SEZ6L: variants seen among roughly 807,000 people sequenced by gnomAD.
SEZ6L encodes seizure related 6 homolog like.
Under a neutral mutation model 106.2 loss-of-function variants are expected in SEZ6L, and 37 were observed. That is an observed-to-expected ratio of 0.35 (90% confidence interval 0.27 to 0.46). The LOEUF (loss-of-function observed/expected upper bound fraction) is 0.46. Ranked by LOEUF, SEZ6L falls within the 20% of genes least tolerant of loss-of-function variation. The pLI is 1.00. For missense variants in SEZ6L, 1,172 were observed against 1,332.8 expected (o/e 0.88, Z 1.88); for synonymous variants, 541 against 570.4 (o/e 0.95, Z 0.73).
intron 1 of SEZ6L, chr22:26,244,291 A>G (rs376318449): frequency 1.5e-4 from 23 of 152,238 alleles, no homozygotes; most frequent in African/African-American, 5.1e-4. Context: ...CCCTGAAATC[A>G]TGGAAAATCA....
intron 1 of SEZ6L, among the ~76,000 whole-genome samples, chr22:26,245,531 G>A (rs1051061472): frequency 1.3e-5 from 2 of 152,178 alleles, no homozygotes; most frequent in Non-Finnish European, 1.5e-5. Context: ...GGGCTGACCT[G>A]ATGGTGGTGC....
chr22:26,249,200 A>T (rs1471429560), intron 1 of SEZ6L, among the ~76,000 whole-genome samples: 1 of 152,192 alleles, frequency 6.6e-6, no homozygotes, highest in African/African-American at 2.4e-5. Flanking sequence ...TCTTCTAGCT[A>T]TTTGAATATA....
intron 1 of SEZ6L, among the ~76,000 whole-genome samples, chr22:26,281,552 T>A (rs192217207): frequency 0.13 from 19,552 of 151,608 alleles, 1,342 homozygotes; most frequent in Middle Eastern, 0.2. Context: ...TTTTTTTAAA[T>A]TTTTTTTAGT....
At chr22:26,253,429 C>G (rs565088743) in intron 1 of SEZ6L, among the ~76,000 whole-genome samples, 31 of 147,928 alleles carry the variant, frequency 2.1e-4, no homozygotes, top group South Asian at 1.6e-3. Flanking sequence ...TTAGGCTGTT[C>G]CTTTTACCCC....
At chr22:26,361,268 CG>C (rs1163599575) in intron 12 of SEZ6L, among the ~76,000 whole-genome samples, 1 of 149,718 alleles carries the variant, frequency 6.7e-6, no homozygotes, top group African/African-American at 2.5e-5. Context: ...GAGGCTGAGG[CG>C]GATGGATCAC....
In SEZ6L at chr22:26,344,013, C is replaced by G. The variant is rs141336973; in HGVS notation, c.2212+3381C>G. On this transcript the variant is annotated intron_variant, in intron 10 of 16. Transcript: ENST00000248933. ...ATGAGAAGGGTATTTGTTATTCTGG[C>G]TCTAGATTTTACCATACATGGGAGT... 5.5e-3 allele frequency among the ~76,000 whole-genome samples: 835 copies of G among 152,266 alleles called. 1 individual carries two copies. Among genetic ancestry groups the G allele is most frequent in the Non-Finnish European group, 8.0e-3 (542 of 68,022 alleles).
At chr22:26,315,101 G>A (rs529353922) in intron 9 of SEZ6L, among the ~76,000 whole-genome samples, 6 of 152,338 alleles carry the variant, frequency 3.9e-5, no homozygotes, top group Admixed American at 3.9e-4. Context: ...CAGTTCTCTG[G>A]CTCTACAGAG....
intron 1 of SEZ6L, among the ~76,000 whole-genome samples, chr22:26,260,896 G>T (rs563551481): frequency 6.6e-6 from 1 of 152,098 alleles, no homozygotes; most frequent in Non-Finnish European, 1.5e-5. Context: ...AACGTCTATT[G>T]TATTTTGATT....
rs879363095 is a variant in SEZ6L, at chr22:26,377,583, T to C, written c.2943-90T>C. ...TCGTCATTCACAGAGGTGCCGCTGC[T>C]CAGGAAGTGGCACCAACTGTTCCCG... On this transcript the variant is annotated intron_variant, in intron 15 of 16. Transcript: ENST00000248933. 2.1e-5 allele frequency: 22 copies of C among 1,035,254 alleles called. No individual in the cohort carries two copies. The Admixed American group carries it at 3.5e-4, about 16-fold the overall frequency. 64.1% of individuals were successfully genotyped at this position (1,035,254 alleles called of 1,614,324 possible).
intron 9 of SEZ6L, among the ~76,000 whole-genome samples, chr22:26,327,905 T>C (rs1569465057): frequency 1.3e-5 from 2 of 152,196 alleles, no homozygotes; most frequent in Non-Finnish European, 2.9e-5. Context: ...ATGTGGGCAG[T>C]GCCACAGAGG....
In SEZ6L at chr22:26,315,237, C is replaced by T. The variant is rs113559448; in HGVS notation, c.2015+1335C>T. Reference sequence around the variant, plus strand: ...GCTCATGCCTACAACCCCAACACTTCGGGAGGTTGAGGCAGGAGGATTGCT... The same window carrying T: ...GCTCATGCCTACAACCCCAACACTTTGGGAGGTTGAGGCAGGAGGATTGCT... On this transcript the variant is annotated intron_variant, in intron 9 of 16. Transcript: ENST00000248933. Among the ~76,000 whole-genome samples the T allele has an allele frequency of 3.6e-3, 553 of 152,250 alleles. 6 individuals carry two copies. Among genetic ancestry groups the T allele is most frequent in the African/African-American group, 0.013 (521 of 41,524 alleles).
At chr22:26,342,028 G>C (rs890388880) in intron 10 of SEZ6L, among the ~76,000 whole-genome samples, 1 of 152,092 alleles carries the variant, frequency 6.6e-6, no homozygotes, top group East Asian at 1.9e-4. Context: ...TTGCTCATCG[G>C]GGCAGAGCCG....
intron 1 of SEZ6L, among the ~76,000 whole-genome samples, chr22:26,273,499 T>C (rs1177025858): frequency 1.3e-5 from 2 of 152,258 alleles, no homozygotes; most frequent in Admixed American, 6.5e-5. Flanking sequence ...TCCGAGGCAT[T>C]GTTCTTGTTG....
intron 6 of SEZ6L, among the ~76,000 whole-genome samples, chr22:26,307,013 T>G (rs1167960368): frequency 6.6e-6 from 1 of 152,076 alleles, no homozygotes; most frequent in African/African-American, 2.4e-5. Context: ...AGGAGGCACA[T>G]GGGAAAGTGA....
At chr22:26,243,363 A>G (rs1255400669) in intron 1 of SEZ6L, among the ~76,000 whole-genome samples, 1 of 152,246 alleles carries the variant, frequency 6.6e-6, no homozygotes, top group East Asian at 1.9e-4. Context: ...CAGATAATGA[A>G]TAAGCAGGAA....
chr22:26,348,569 A>AAGGAAGGGAG (rs2083096297), intron 11 of SEZ6L, among the ~76,000 whole-genome samples: 1 of 86,534 alleles, frequency 1.2e-5, no homozygotes, highest in African/African-American at 8.0e-5. Context: ...AAGGGAGGAA[A>AAGGAAGGGAG]GAAAGAAAGA....
At chr22:26,296,302 G>A (rs991253691) in intron 3 of SEZ6L, among the ~76,000 whole-genome samples, 6 of 152,184 alleles carry the variant, frequency 3.9e-5, no homozygotes, top group African/African-American at 1.4e-4. Context: ...ATGGGCCAGA[G>A]AGTGCCCTAG....
intron 1 of SEZ6L, among the ~76,000 whole-genome samples, chr22:26,216,863 T>G (rs2078313814): frequency 6.6e-6 from 1 of 152,158 alleles, no homozygotes; most frequent in Non-Finnish European, 1.5e-5. Context: ...AGTTTGCATA[T>G]GGAAAATCTA....
rs557920754 is a variant in SEZ6L at position 26,292,980 on chromosome 22, G to C, written c.669G>C (p.Glu223Asp). The C allele has an allele frequency of 1.2e-6, 2 of 1,613,916 alleles. No individual in the cohort carries two copies. The highest frequency in any genetic ancestry group is 1.6e-4 in the Middle Eastern group (1 of 6,062). ...HTLPQRPEPG[E>D]PGPDMAQEAP... is the part of the protein sequence containing the mutation. ...TCCCCCAGAGGCCAGAACCCGGGGA[G>C]CCTGGGCCTGACATGGCCCAGGAGG... Residue 223 changes from glutamate to aspartate, a missense_variant, in exon 2 of 17, where the codon GAG (glutamate) becomes GAC (aspartate). Glu to Asp is a conservative substitution (Grantham distance 45). Transcript: ENST00000248933.
Sources: gnomAD v4.1 joint callset for allele counts (sites outside exome capture counted in the v4.1 genomes callset) on GRCh38, gnomAD v4.1.1 for gene constraint, MANE v1.5 for transcripts, NCBI Gene and HGNC (gene_info 2026-07-23, HGNC 2026-07-21) for gene names.